DNAH10: variants seen among roughly 807,000 people sequenced by gnomAD.
The protein encoded by DNAH10 is dynein axonemal heavy chain 10.
In DNAH10, 348 loss-of-function variants were observed where a neutral mutation model predicts 506.6. The observed-to-expected ratio is 0.69, with a 90% CI of 0.63 to 0.75. The LOEUF (loss-of-function observed/expected upper bound fraction) is 0.75, where lower values mean the gene tolerates loss of function less well. Among genes scored for constraint, DNAH10 ranks in the 30% least tolerant of loss-of-function variants. The pLI, the probability that DNAH10 is intolerant of heterozygous loss-of-function variation, is 0.00. For synonymous variants in DNAH10, 2,059 were observed against 2,198.6 expected, an observed-to-expected ratio of 0.94 and a Z score of 1.78; for missense variants, 5,179 against 5,787.1, an observed-to-expected ratio of 0.89 and a Z score of 3.41.
rs373947470 is a variant in DNAH10, at chr12:123,896,111, T to A, written c.9280+1388T>A. Among the ~76,000 whole-genome samples, 292 of 48,988 alleles carry A rather than the reference T, an allele frequency of 6.0e-3. 4 individuals are homozygous for A. Among genetic ancestry groups the A allele is most frequent in the African/African-American group, 0.014 (243 of 17,192 alleles). The allele number at this position is 48,988 out of a possible 152,430, so 32.1% of individuals were successfully genotyped here. A position where few individuals can be genotyped will look rare whatever the true frequency, so the allele number is the denominator to read the frequency against. Reference sequence around the variant, plus strand: ...CTGGGAGGCACAGTGAGACTTTATCTCACACACACACACACACACACACAC... The same window carrying A: ...CTGGGAGGCACAGTGAGACTTTATCACACACACACACACACACACACACAC... On this transcript the variant is annotated intron_variant, in intron 54 of 78. Coordinates refer to ENST00000673944, the MANE Select transcript of DNAH10 (RefSeq NM_001372106.1).
In DNAH10 at chr12:123,853,483, C is replaced by T. The variant is rs556794523; in HGVS notation, c.6438+131C>T. 23 of 1,227,004 alleles carry T rather than the reference C, an allele frequency of 1.9e-5. No homozygotes were observed. Among genetic ancestry groups the T allele is most frequent in the South Asian group, 1.4e-4 (7 of 49,868 alleles). The allele number at this position is 1,227,004 out of a possible 1,614,324, so 76.0% of individuals were successfully genotyped here. A position where few individuals can be genotyped will look rare whatever the true frequency, so the allele number is the denominator to read the frequency against. ...AAGTCTTAGCTGCCTCTTCACCCCG[C>T]GGTCTGGCCTTACTTTGGCCTCTTA... is the stretch of plus-strand genomic sequence containing the variant. On this transcript the variant is annotated intron_variant, in intron 36 of 78. Coordinates refer to ENST00000673944, the MANE Select transcript of DNAH10 (RefSeq NM_001372106.1). The surrounding 1 kb of genome is among the most constrained non-coding windows in gnomAD (Gnocchi z 4.7).
rs1483979709 is a variant in DNAH10, at chr12:123,924,324, G to A, written c.11658G>A (p.Trp3886Ter). Reference protein sequence around the residue: ...EKSKRKKPCAWLSDQGWEDII... With the variant: ...EKSKRKKPCA ...GCAAAAGAAAAAAGCCCTGCGCTTG[G>A]TTGTCTGACCAAGGATGGGAAGATA... The change falls in exon 67 of 79, where the codon TGG becomes TGA. Residue 3886 changes from tryptophan (W) to a stop codon, truncating the protein, a stop_gained. Coordinates refer to ENST00000673944, the MANE Select transcript of DNAH10 (RefSeq NM_001372106.1). LOFTEE classifies it high-confidence loss of function. 1.2e-6 allele frequency: 2 copies of A among 1,613,052 alleles called. No homozygotes were observed. The highest frequency in any genetic ancestry group is 2.7e-5 in the African/African-American group (2 of 74,920).
At chr12:123,813,724 G>C (rs760079008) in intron 20 of DNAH10, 30 bp from the exon 21 acceptor site, 22 of 1,612,606 alleles carry the variant, frequency 1.4e-5, no homozygotes, top group Non-Finnish European at 1.8e-5. Flanking sequence ...TTCTGTGTTT[G>C]CTTAGTGTTC....
intron 25 of DNAH10, among the ~76,000 whole-genome samples, chr12:123,829,379 C>G (rs1960301595): frequency 6.6e-6 from 1 of 152,152 alleles, no homozygotes; most frequent in Non-Finnish European, 1.5e-5. Flanking sequence ...GTTGAAAGGT[C>G]AGTGGTCTCA....
intron 24 of DNAH10, among the ~76,000 whole-genome samples, chr12:123,821,398 A>G (rs1188283419): frequency 6.6e-6 from 1 of 152,210 alleles, no homozygotes; most frequent in East Asian, 1.9e-4. Flanking sequence ...TGGTGTGATA[A>G]TAACTCACTG....
intron 35 of DNAH10, among the ~76,000 whole-genome samples, chr12:123,851,390 A>G (rs565914591): frequency 1.2e-3 from 182 of 148,658 alleles, no homozygotes; most frequent in African/African-American, 4.1e-3. Flanking sequence ...CAGACTGGGG[A>G]CCTAGGATGT....
chr12:123,817,949 CTTTT>C (rs369200478), intron 21 of DNAH10, among the ~76,000 whole-genome samples: 2 of 138,304 alleles, frequency 1.4e-5, no homozygotes. Flanking sequence ...TTCTTTTTCT[CTTTT>C]TTTTTTTTTT....
chr12:123,890,451 A>AC (rs1566055239), intron 52 of DNAH10, among the ~76,000 whole-genome samples: 2 of 151,184 alleles, frequency 1.3e-5, no homozygotes, highest in African/African-American at 4.8e-5. Flanking sequence ...AAAAAAAAAA[A>AC]ACACACTTTT....
chr12:123,769,929 T>TTTG (rs1270300941), intron 2 of DNAH10, among the ~76,000 whole-genome samples: 2 of 150,658 alleles, frequency 1.3e-5, no homozygotes, highest in African/African-American at 4.9e-5. Flanking sequence ...AAGGTTTTTT[T>TTTG]TTTTTTTTTT....
intron 54 of DNAH10, among the ~76,000 whole-genome samples, chr12:123,896,148 C>CACACACAGAGAGAGAGAGAG (rs1383690518): frequency 6.3e-5 from 6 of 95,320 alleles, no homozygotes; most frequent in South Asian, 3.7e-4. Flanking sequence ...CACACACACA[C>CACACACAGAGAGAGAGAGAG]AGAGAGAGAG....
chr12:123,929,136 C>A lies in DNAH10; in HGVS notation c.12307-139C>A, dbSNP rs1264761383. ...TTAACTTCTCAGCCTGGGCCCTGGACAAGAGACTTTAGCTATTGGAGGTCT... is the reference window on the plus strand; with the variant it reads ...TTAACTTCTCAGCCTGGGCCCTGGAAAAGAGACTTTAGCTATTGGAGGTCT... On this transcript the variant is annotated intron_variant, in intron 70 of 78. Transcript: ENST00000673944. 6 of 866,040 alleles carry A rather than the reference C, an allele frequency of 6.9e-6. No individual in the cohort carries two copies. In the Admixed American group the frequency reaches 1.1e-4, roughly 17 times the overall value. The allele number at this position is 866,040 out of a possible 1,614,324, so 53.6% of individuals were successfully genotyped here.
intron 36 of DNAH10, 77 bp from the exon 37 acceptor site, chr12:123,856,979 C>T (rs569241703): frequency 8.9e-7 from 1 of 1,119,696 alleles, no homozygotes; most frequent in East Asian, 2.8e-5. Context: ...AGAGTGTTAC[C>T]ACTGGGTTGG....
At chr12:123,871,691 A>G (rs1229146076) in intron 45 of DNAH10, 89 bp downstream of exon 45, 6 of 1,412,556 alleles carry the variant, frequency 4.2e-6, no homozygotes, top group East Asian at 5.0e-5. Context: ...CTGTGATCTC[A>G]CAGTTTCCGT....
chr12:123,868,270 C>T (rs1035496783), intron 43 of DNAH10, among the ~76,000 whole-genome samples, 151 bp downstream of exon 43: 1 of 152,114 alleles, frequency 6.6e-6, no homozygotes, highest in Admixed American at 6.5e-5. Context: ...GAGCACATGG[C>T]GGAACACCCA....
chr12:123,799,310 A>G lies in DNAH10; in HGVS notation c.2228A>G (p.Gln743Arg), dbSNP rs747944209. Residue 743 changes from glutamine (Q) to arginine (R), a missense_variant, in exon 14 of 79, where the codon CAG becomes CGG. Transcript: ENST00000673944. Reference protein sequence around the residue: ...MKEYEDRKYEQWMEVTEQVLP... With the variant: ...MKEYEDRKYERWMEVTEQVLP... ...GAGTATGAAGACAGAAAGTATGAGC[A>G]GTGGATGGAGGTGACGGAGCAGGTG... The G allele has an allele frequency of 6.2e-7, 1 of 1,614,058 alleles. No homozygotes were observed. Among genetic ancestry groups the G allele is most frequent in the South Asian group, 1.1e-5 (1 of 91,068 alleles).
chr12:123,887,236 C>T lies in DNAH10; in HGVS notation c.8918C>T (p.Ala2973Val), dbSNP rs767015407. The T allele has an allele frequency of 8.7e-6, 14 of 1,613,942 alleles. No individual in the cohort carries two copies. Among genetic ancestry groups the T allele is most frequent in the South Asian group, 5.5e-5 (5 of 91,062 alleles). Residue 2973 changes from alanine (A) to valine (V), a missense_variant, in exon 52 of 79, where the codon GCG becomes GTG. Transcript: ENST00000673944. ...LYLKLGIENK[A>V]MIFLFTDAHV... ...TTGAAACTTGGGATTGAGAACAAAG[C>T]GATGATCTTTCTGTTCACGGATGCC...
At chr12:123,838,396 A>T in intron 28 of DNAH10, 60 bp from the exon 29 acceptor site, 1 of 1,484,362 alleles carries the variant, frequency 6.7e-7, no homozygotes, top group South Asian at 1.2e-5. Flanking sequence ...TGGGCTCAAG[A>T]ACAGTGTCTC....
In DNAH10 at chr12:123,871,975, G is replaced by T. The variant is rs144747974; in HGVS notation, c.7785+373G>T. On this transcript the variant is annotated intron_variant, in intron 45 of 78. Coordinates refer to ENST00000673944, the MANE Select transcript of DNAH10 (RefSeq NM_001372106.1). The stretch of plus-strand genomic sequence containing the variant: ...GATGCTATGATGTCTTTTATGACCT[G>T]GCCTTGGAAGTCACATACCCTCCCT... Among the ~76,000 whole-genome samples the T allele has an allele frequency of 1.6e-4, 24 of 152,290 alleles. No individual in the cohort carries two copies. The East Asian group carries it at 4.6e-3, about 29-fold the overall frequency.
chr12:123,827,308 A>G (rs962075487), intron 25 of DNAH10, among the ~76,000 whole-genome samples: 2 of 152,268 alleles, frequency 1.3e-5, no homozygotes, highest in East Asian at 1.9e-4. Context: ...TAATTAACTC[A>G]ATATATCCCA....
Sources: allele counts gnomAD v4.1 joint callset (sites outside exome capture counted in the v4.1 genomes callset), GRCh38; gene constraint gnomAD v4.1.1; non-coding constraint Gnocchi (gnomAD v3.1); transcripts MANE v1.5; gene names NCBI Gene and HGNC (gene_info 2026-07-23, HGNC 2026-07-21).